GAREM1: variants seen among roughly 807,000 people sequenced by gnomAD.
GAREM1 encodes GRB2-associated and regulator of MAPK protein 1.
In GAREM1, 26 loss-of-function variants were observed where a neutral mutation model predicts 71.3. That is an observed-to-expected ratio of 0.36 (90% CI 0.27 to 0.51). The LOEUF is 0.51. Among genes scored for constraint, GAREM1 ranks in the 20% least tolerant of loss-of-function variants. GAREM1 has a pLI of 0.95. For synonymous variants in GAREM1, 440 were observed against 433.2 expected (o/e 1.02, Z -0.20); for missense variants, 1,026 against 1,103.1 (o/e 0.93, Z 0.99).
At chr18:32,302,086 G>A (rs1012485950) in intron 3 of GAREM1, among the ~76,000 whole-genome samples, 2 of 152,158 alleles carry the variant, frequency 1.3e-5, no homozygotes, top group African/African-American at 4.8e-5. Flanking sequence ...CAAAGTGAAA[G>A]TACATTCTGA....
chr18:32,449,930 AC>A (rs1395757831), intron 1 of GAREM1, among the ~76,000 whole-genome samples: 1 of 152,072 alleles, frequency 6.6e-6, no homozygotes, highest in East Asian at 1.9e-4. Context: ...TTAGGTGGAG[AC>A]CCCTATGGAC....
At chr18:32,284,365 A>AT (rs889069534) in intron 4 of GAREM1, among the ~76,000 whole-genome samples, 12 of 151,862 alleles carry the variant, frequency 7.9e-5, no homozygotes, top group African/African-American at 1.5e-4. Context: ...TGGAGGCCAA[A>AT]TTTTTTTTTC....
chr18:32,324,452 T>C (rs1052805986), intron 2 of GAREM1, among the ~76,000 whole-genome samples: 1 of 152,080 alleles, frequency 6.6e-6, no homozygotes, highest in South Asian at 2.1e-4. Context: ...TGAGCTGTGG[T>C]TTTCATTAGG....
chr18:32,436,017 G>A (rs1400260617), intron 1 of GAREM1, among the ~76,000 whole-genome samples: 1 of 152,146 alleles, frequency 6.6e-6, no homozygotes, highest in Non-Finnish European at 1.5e-5. Context: ...TACTGCATCT[G>A]ATGAAAACTG....
intron 1 of GAREM1, among the ~76,000 whole-genome samples, chr18:32,463,707 C>T (rs4328515): frequency 0.55 from 82,829 of 151,056 alleles, 23,542 homozygotes; most frequent in African/African-American, 0.69. Context: ...GTAGCTGGGA[C>T]TACAGGCACA....
intron 3 of GAREM1, among the ~76,000 whole-genome samples, chr18:32,302,026 T>A (rs2047206701): frequency 6.6e-6 from 1 of 152,218 alleles, no homozygotes; most frequent in South Asian, 2.1e-4. Flanking sequence ...ATTGAACATG[T>A]TTGTATTTTT....
intron 2 of GAREM1, among the ~76,000 whole-genome samples, chr18:32,364,238 T>A (rs1381927148): frequency 6.6e-6 from 1 of 151,048 alleles, no homozygotes; most frequent in Admixed American, 6.6e-5. Flanking sequence ...TTTGACCATG[T>A]TGGCCAGGCT....
intron 1 of GAREM1, among the ~76,000 whole-genome samples, chr18:32,447,869 T>A (rs1299497034): frequency 6.6e-6 from 1 of 152,162 alleles, no homozygotes; most frequent in African/African-American, 2.4e-5. Context: ...ACTACATAAT[T>A]TAGAAGTTAT....
intron 1 of GAREM1, among the ~76,000 whole-genome samples, chr18:32,432,149 G>C (rs1238519653): frequency 6.6e-6 from 1 of 152,086 alleles, no homozygotes; most frequent in Non-Finnish European, 1.5e-5. Context: ...GTAAATATCT[G>C]GGTAAATACC....
chr18:32,398,405 T>G (rs575270433), intron 1 of GAREM1, among the ~76,000 whole-genome samples: 2 of 152,056 alleles, frequency 1.3e-5, no homozygotes, highest in East Asian at 3.9e-4. Context: ...ATCAACAAAA[T>G]TGATCGACCA....
rs556284225 is a variant in GAREM1 at position 32,280,049 on chromosome 18, C to G, written c.1566+6982G>C. 5.3e-5 allele frequency among the ~76,000 whole-genome samples: 8 copies of G among 152,250 alleles called. No homozygotes were observed. In the South Asian group the frequency reaches 8.3e-4, roughly 16 times the overall value. On this transcript the variant is annotated intron_variant, in intron 4 of 5. Transcript: ENST00000269209. Reference sequence around the variant, plus strand: ...AATTAATTAAATGTCAAATGCCCTACGAAACCTCATTAACTAGTGGAATCC... The same window carrying G: ...AATTAATTAAATGTCAAATGCCCTAGGAAACCTCATTAACTAGTGGAATCC...
chr18:32,353,666 A>G (rs1364868633), intron 2 of GAREM1, among the ~76,000 whole-genome samples: 1 of 152,244 alleles, frequency 6.6e-6, no homozygotes, highest in Non-Finnish European at 1.5e-5. Flanking sequence ...TCATAAAAGG[A>G]GAAAATGGCT....
intron 3 of GAREM1, among the ~76,000 whole-genome samples, chr18:32,291,491 TCAA>T (rs1174353782): frequency 1.3e-5 from 2 of 151,616 alleles, no homozygotes; most frequent in Admixed American, 6.6e-5. Flanking sequence ...AAAAATTAGG[TCAA>T]CAAGAATTTT....
At chr18:32,452,698 T>G (rs751764614) in intron 1 of GAREM1, among the ~76,000 whole-genome samples, 2 of 152,204 alleles carry the variant, frequency 1.3e-5, no homozygotes, top group Non-Finnish European at 2.9e-5. Context: ...TTACTGTGCT[T>G]GTACAGCAGC....
chr18:32,397,472 T>C lies in GAREM1; in HGVS notation c.122-4437A>G, dbSNP rs148222888. On this transcript the variant is annotated intron_variant, in intron 1 of 5. Coordinates refer to ENST00000269209, the MANE Select transcript of GAREM1 (RefSeq NM_001242409.2). ...GATGGAGGAAGATCTACCAAGCAAATGGAAAACAAAAAAAGGCAGGGGTTG... is the reference window on the plus strand; with the variant it reads ...GATGGAGGAAGATCTACCAAGCAAACGGAAAACAAAAAAAGGCAGGGGTTG... Among the ~76,000 whole-genome samples, 1,021 of 151,488 alleles carry C rather than the reference T, an allele frequency of 6.7e-3. 10 individuals carry two copies. The highest frequency in any genetic ancestry group is 0.024 in the African/African-American group (983 of 41,262).
intron 1 of GAREM1, among the ~76,000 whole-genome samples, chr18:32,399,421 C>G (rs888004277): frequency 3.9e-5 from 6 of 152,110 alleles, no homozygotes; most frequent in African/African-American, 1.4e-4. Context: ...ATTTAGAAAA[C>G]CCCATCGTCT....
intron 2 of GAREM1, among the ~76,000 whole-genome samples, chr18:32,311,612 C>T (rs1033383856): frequency 1.3e-5 from 2 of 151,904 alleles, no homozygotes; most frequent in East Asian, 1.9e-4. Flanking sequence ...GAGGGAGGGT[C>T]GTGCTTGGTA....
At chr18:32,463,568 CTT>C (rs138799660) in intron 1 of GAREM1, among the ~76,000 whole-genome samples, 25,394 of 131,306 alleles carry the variant, frequency 0.19, 2,377 homozygotes, top group East Asian at 0.39. Flanking sequence ...TTTTAAATCA[CTT>C]TTTTTTTTTT....
At chr18:32,314,595 T>TG (rs995743834) in intron 2 of GAREM1, among the ~76,000 whole-genome samples, 10 of 150,292 alleles carry the variant, frequency 6.7e-5, no homozygotes, top group African/African-American at 1.9e-4. Context: ...TTGTTGTTGT[T>TG]TTTTTTTTTT....
Sources: gnomAD v4.1 joint callset for allele counts (sites outside exome capture counted in the v4.1 genomes callset) on GRCh38, gnomAD v4.1.1 for gene constraint, MANE v1.5 for transcripts, NCBI Gene and HGNC (gene_info 2026-07-23, HGNC 2026-07-21) for gene names.